Variants in CROCC2 observed in about 807,000 individuals in gnomAD.
The protein encoded by CROCC2 is ciliary rootlet coiled-coil protein 2.
CROCC2 carries 163 observed loss-of-function variants against 177.6 expected under a neutral mutation model. The ratio of observed to expected loss-of-function variants is 0.92; its 90% CI spans 0.81 to 1.05. The LOEUF (loss-of-function observed/expected upper bound fraction) is 1.05, where lower values mean the gene tolerates loss of function less well. Among genes scored for constraint, CROCC2 ranks in the 50% least tolerant of loss-of-function variants. The probability of loss-of-function intolerance (pLI) is 0.00; values close to 1 mark genes in which losing one functional copy is unlikely to be tolerated. For missense variants in CROCC2, 1,929 were observed against 1,797.8 expected, an observed-to-expected ratio of 1.07 and a Z score of -1.32; for synonymous variants, 904 against 787.3, an observed-to-expected ratio of 1.15 and a Z score of -2.48.
chr2:240,969,853 C>T (rs1038226964), intron 27 of CROCC2, among the ~76,000 whole-genome samples: 1 of 152,176 alleles, frequency 6.6e-6, no homozygotes, highest in African/African-American at 2.4e-5. Flanking sequence ...GCCTCAGCTT[C>T]CCAAGTAGTC....
intron 20 of CROCC2, among the ~76,000 whole-genome samples, chr2:240,962,029 C>T (rs987276355): frequency 1.3e-4 from 4 of 30,796 alleles, no homozygotes; most frequent in Non-Finnish European, 3.8e-4. Flanking sequence ...CACACACACA[C>T]GCACGCACAC....
At chr2:240,954,015 C>G (rs1274854797) in intron 18 of CROCC2, among the ~76,000 whole-genome samples, 2 of 152,194 alleles carry the variant, frequency 1.3e-5, no homozygotes, top group Admixed American at 1.3e-4. Context: ...GGCCCCAACC[C>G]TTGCAGACCT....
chr2:240,938,143 C>G (rs761639821), intron 14 of CROCC2, among the ~76,000 whole-genome samples: 1 of 152,228 alleles, frequency 6.6e-6, no homozygotes, highest in African/African-American at 2.4e-5. Context: ...AATGCTCATG[C>G]CTCACACAAG....
intron 14 of CROCC2, among the ~76,000 whole-genome samples, 178 bp downstream of exon 14, chr2:240,935,766 A>G (rs1009224690): frequency 6.8e-6 from 1 of 147,348 alleles, no homozygotes; most frequent in Non-Finnish European, 1.5e-5. Flanking sequence ...GGGGGAAGGT[A>G]TGCAGAGAAG....
chr2:240,984,192 C>T (rs964000786), intron 28 of CROCC2, among the ~76,000 whole-genome samples: 2 of 152,124 alleles, frequency 1.3e-5, no homozygotes, highest in Non-Finnish European at 2.9e-5. Flanking sequence ...AGGGGTGGGC[C>T]GCAGAGGTGA....
At chr2:240,966,188 T>G (rs998404998) in intron 24 of CROCC2, 37 bp from the exon 25 acceptor site, 7 of 1,166,714 alleles carry the variant, frequency 6.0e-6, no homozygotes, top group African/African-American at 3.2e-5. Flanking sequence ...TGTCACTGTG[T>G]TCCTGTCCAC....
chr2:240,975,719 CTTTTTTTTTT>C (rs55896940), intron 27 of CROCC2, among the ~76,000 whole-genome samples: 3 of 88,008 alleles, frequency 3.4e-5, no homozygotes, highest in African/African-American at 8.7e-5. Context: ...AACCAGCCTG[CTTTTTTTTTT>C]TTTTTTTTTT....
chr2:240,963,023 G>A (rs2059653682), intron 20 of CROCC2, among the ~76,000 whole-genome samples: 1 of 152,220 alleles, frequency 6.6e-6, no homozygotes, highest in African/African-American at 2.4e-5. Context: ...CCAAGGGAGT[G>A]GGTGAGCCCC....
In CROCC2 at chr2:240,967,401, C is replaced by T. The variant is rs781033611; in HGVS notation, c.4203C>T (p.Cys1401=). 19 of 911,692 alleles carry T rather than the reference C, an allele frequency of 2.1e-5. No individual in the cohort carries two copies. In the South Asian group the frequency reaches 2.5e-4, roughly 12 times the overall value. 56.5% of individuals were successfully genotyped at this position (911,692 alleles called of 1,614,324 possible). A position where few individuals can be genotyped will look rare whatever the true frequency, so the allele number is the denominator to read the frequency against. Residue 1401 remains cysteine, a synonymous_variant, in exon 26 of 32, where the codon TGC becomes TGT. Transcript: ENST00000690015. ...GCAGCCGGCTGAGCGAGGCAGAGTGCAGGTGTGCCCGGGCCCAGAGCCGCG... is the reference window on the plus strand; with the variant it reads ...GCAGCCGGCTGAGCGAGGCAGAGTGTAGGTGTGCCCGGGCCCAGAGCCGCG... ...TLSSRLSEAE[C]RCARAQSRVG...
At position 240,950,391 on chromosome 2, in the gene CROCC2, CAGG is replaced by C. The variant is rs1559601477; in HGVS notation, c.2713_2715del (p.Glu905del). ...GGAGGTAGCCAGATGCCAGCTGGAGCAGGAGAAGGAGCTGGTGACAAAAAGTGC... is the reference window on the plus strand; with the variant it reads ...GGAGGTAGCCAGATGCCAGCTGGAGCAGAAGGAGCTGGTGACAAAAAGTGC... On this transcript the variant is annotated inframe_deletion, in exon 18 of 32. Transcript: ENST00000690015. 4.3e-5 allele frequency: 67 copies of C among 1,550,320 alleles called. 1 individual carries two copies. In the East Asian group the frequency reaches 1.6e-3, roughly 38 times the overall value.
intron 18 of CROCC2, chr2:240,950,987 C>CCTGCTCATCCATCCATCTACCCATT (rs2059552112): frequency 2.0e-4 from 10 of 48,794 alleles, no homozygotes; most frequent in African/African-American, 5.6e-4. Flanking sequence ...ATCCACCCAT[C>CCTGCTCATCCATCCATCTACCCATT]CACCTACTCA....
At chr2:240,942,088 C>T (rs1332093815) in intron 14 of CROCC2, among the ~76,000 whole-genome samples, 1 of 152,198 alleles carries the variant, frequency 6.6e-6, no homozygotes, top group African/African-American at 2.4e-5. Context: ...GTCTCTAGAA[C>T]TGTGAGAAGA....
chr2:240,982,568 C>T lies in CROCC2; in HGVS notation c.4402-312C>T. 4.0e-6 allele frequency: 1 copy of T among 247,110 alleles called. No individual in the cohort carries two copies. 15.3% of individuals were successfully genotyped at this position (247,110 alleles called of 1,614,324 possible). Reference sequence around the variant, plus strand: ...CAAGGCTGGAGGCAGGGCAGGGATGCCACTGATGTGCCCTCTGAGACCACT... The same window carrying T: ...CAAGGCTGGAGGCAGGGCAGGGATGTCACTGATGTGCCCTCTGAGACCACT... On this transcript the variant is annotated intron_variant, in intron 27 of 31. Coordinates refer to ENST00000690015, the MANE Select transcript of CROCC2 (RefSeq NM_001351305.2). This position sits in a 1 kb window ranked among gnomAD's most constrained non-coding sequence, Gnocchi z 4.7.
Position 240,920,046 on chromosome 2 carries a change from A to G in CROCC2, c.293A>G (p.Glu98Gly). The change falls in exon 3 of 32, where the codon GAG becomes GGG. Residue 98 changes from glutamate to glycine, a missense_variant. By Grantham distance (98) the Glu-to-Gly change is moderately conservative. Coordinates refer to ENST00000690015, the MANE Select transcript of CROCC2 (RefSeq NM_001351305.2). ...RVQEENELLQ[E>G]ELTRLGDLLA... is the part of the protein sequence containing the mutation. ...CAAGAGGAGAACGAGCTCCTGCAGGAGGAGCTGACCCGGCTGGGGGACCTG... is the reference window on the plus strand; with the variant it reads ...CAAGAGGAGAACGAGCTCCTGCAGGGGGAGCTGACCCGGCTGGGGGACCTG... 1.4e-6 allele frequency: 1 copy of G among 716,390 alleles called. No individual in the cohort carries two copies. The highest frequency in any genetic ancestry group is 2.6e-6 in the Non-Finnish European group (1 of 384,880). 44.4% of individuals were successfully genotyped at this position (716,390 alleles called of 1,614,324 possible).
At chr2:240,990,773 G>A (rs146654164) in intron 30 of CROCC2, among the ~76,000 whole-genome samples, 6 of 152,054 alleles carry the variant, frequency 3.9e-5, no homozygotes, top group South Asian at 2.1e-4. Context: ...TAGTAGAGAC[G>A]GGGTTTCACC....
chr2:240,913,449 C>T (rs2059300554), intron 1 of CROCC2, among the ~76,000 whole-genome samples: 1 of 152,208 alleles, frequency 6.6e-6, no homozygotes, highest in Non-Finnish European at 1.5e-5. Flanking sequence ...ATTGGTGATT[C>T]GGACCTGAGG....
intron 1 of CROCC2, among the ~76,000 whole-genome samples, chr2:240,913,847 G>A (rs908990942): frequency 3.2e-4 from 49 of 152,262 alleles, no homozygotes; most frequent in African/African-American, 1.1e-3. Context: ...CCCAGCCCAA[G>A]GCCCTCTCTG....
chr2:240,919,071 CCCGG>C, intron 2 of CROCC2, among the ~76,000 whole-genome samples, 195 bp downstream of exon 2: 1 of 136,122 alleles, frequency 7.3e-6, no homozygotes, highest in Non-Finnish European at 1.6e-5. Flanking sequence ...CGGTCCTGGG[CCCGG>C]GGCTGGGCAA....
At chr2:240,983,466 C>CGG in intron 28 of CROCC2, 1 of 1,244,600 alleles carries the variant, frequency 8.0e-7, no homozygotes, top group Non-Finnish European at 1.0e-6. Flanking sequence ...GGGCAGGAGG[C>CGG]GGCCGAGGCG....
Sources: allele counts gnomAD v4.1 joint callset (sites outside exome capture counted in the v4.1 genomes callset), GRCh38; gene constraint gnomAD v4.1.1; non-coding constraint Gnocchi (gnomAD v3.1); transcripts MANE v1.5; gene names NCBI Gene and HGNC (gene_info 2026-07-23, HGNC 2026-07-21).